Variants in ABCA10 observed in about 807,000 individuals in gnomAD.
ABCA10 encodes the protein ATP binding cassette subfamily A member 10, also known as ATP-binding cassette sub-family A member 10.
Under a neutral mutation model 187.5 loss-of-function variants are expected in ABCA10, and 169 were observed. The ratio of observed to expected loss-of-function variants is 0.90; its 90% CI spans 0.80 to 1.02. ABCA10 has a LOEUF of 1.02. Ranked by LOEUF, ABCA10 falls within the 50% of genes least tolerant of loss-of-function variation. The pLI is 0.00. For missense variants in ABCA10, 1,727 were observed against 1,812.4 expected, an observed-to-expected ratio of 0.95 and a Z score of 0.86; for synonymous variants, 574 against 601.8, an observed-to-expected ratio of 0.95 and a Z score of 0.68.
At chr17:69,177,822 G>A (rs1279383363) in intron 22 of ABCA10, among the ~76,000 whole-genome samples, 1 of 150,580 alleles carries the variant, frequency 6.6e-6, no homozygotes. Flanking sequence ...CGGGTATGGT[G>A]GTGCATGCCT....
intron 3 of ABCA10, chr17:69,223,587 A>ACCCTG: frequency 2.6e-6 from 1 of 381,418 alleles, no homozygotes. Context: ...TGAAATCTAC[A>ACCCTG]TTAAGATGAA....
chr17:69,154,442 A>C lies in ABCA10; in HGVS notation c.3695-116T>G, dbSNP rs571620083. 2.3e-5 allele frequency: 15 copies of C among 662,610 alleles called. No homozygotes were observed. In the African/African-American group the frequency reaches 3.2e-4, roughly 14 times the overall value. 41.0% of individuals were successfully genotyped at this position (662,610 alleles called of 1,614,324 possible). On this transcript the variant is annotated intron_variant, in intron 30 of 38. Coordinates refer to ENST00000690296, the MANE Select transcript of ABCA10 (RefSeq NM_001377321.1). ...TGACTTTTTTTTTTTTTTTTTTTTC[A>C]GAGACAGAGTTTTGCTCTGTTGCCT...
intron 10 of ABCA10, among the ~76,000 whole-genome samples, chr17:69,200,062 C>T (rs2074532883): frequency 6.6e-6 from 1 of 152,168 alleles, no homozygotes; most frequent in Non-Finnish European, 1.5e-5. Flanking sequence ...TTCCTGTTGT[C>T]TCCTTCCTCA....
intron 12 of ABCA10, 61 bp downstream of exon 12, chr17:69,194,323 TA>T: frequency 7.3e-7 from 1 of 1,377,806 alleles, no homozygotes; most frequent in Non-Finnish European, 1.0e-6. Flanking sequence ...ATTTTTTACA[TA>T]ATCAAACCAA....
Position 69,156,819 on chromosome 17 carries a change from A to C in ABCA10, c.3455+13T>G. 1.4e-6 allele frequency: 2 copies of C among 1,471,144 alleles called. No homozygotes were observed. The highest frequency in any genetic ancestry group is 1.9e-6 in the Non-Finnish European group (2 of 1,078,962). The allele number at this position is 1,471,144 out of a possible 1,614,324, so 91.1% of individuals were successfully genotyped here. Reference sequence around the variant, plus strand: ...TTAGATTATATTCAGATCTCAATTAATATTTTCCCAACCTGAAAACTGGGT... The same window carrying C: ...TTAGATTATATTCAGATCTCAATTACTATTTTCCCAACCTGAAAACTGGGT... On this transcript the variant is annotated intron_variant, in intron 28 of 38. Coordinates refer to ENST00000690296, the MANE Select transcript of ABCA10 (RefSeq NM_001377321.1).
In ABCA10 at chr17:69,149,987, C is replaced by T; in HGVS notation, c.4474G>A (p.Ala1492Thr). The T allele has an allele frequency of 1.9e-6, 3 of 1,609,288 alleles. No homozygotes were observed. The highest frequency in any genetic ancestry group is 2.6e-6 in the Non-Finnish European group (3 of 1,176,254). The stretch of plus-strand genomic sequence containing the variant: ...ATTTATATATACCCAAACTTACTCG[C>T]CTCTAACTTGAAAAAGGCCCGAGAT... ...PLSRAFFKLEAMKQTFNLEEY... is the reference protein window; with the variant it reads ...PLSRAFFKLETMKQTFNLEEY... The change falls in exon 37 of 39, where the codon GCG (alanine) becomes ACG (threonine). Residue 1492 changes from alanine (A) to threonine (T), a missense_variant. Physicochemically the swap from Ala to Thr is moderately conservative, Grantham distance 58. Coordinates refer to ENST00000690296, the MANE Select transcript of ABCA10 (RefSeq NM_001377321.1).
At chr17:69,223,526 G>T in intron 3 of ABCA10, 1 of 306,448 alleles carries the variant, frequency 3.3e-6, no homozygotes, top group South Asian at 2.6e-5. Context: ...CCTTTTTCAC[G>T]TTTATGTATT....
chr17:69,152,320 T>C, intron 35 of ABCA10, 42 bp downstream of exon 35: 2 of 1,593,630 alleles, frequency 1.3e-6, no homozygotes, highest in African/African-American at 2.7e-5. Flanking sequence ...ACTCTCTCTA[T>C]AAGAACATGC....
intron 6 of ABCA10, among the ~76,000 whole-genome samples, chr17:69,218,923 A>G (rs1261183384): frequency 1.3e-5 from 2 of 152,162 alleles, no homozygotes; most frequent in African/African-American, 2.4e-5. Context: ...ATAATTTCCC[A>G]TGTCACTAAA....
In ABCA10 at chr17:69,174,667, A is replaced by G. The variant is rs2074321272; in HGVS notation, c.2988T>C (p.His996=). Residue 996 remains histidine, a synonymous_variant, in exon 24 of 39, where the codon CAT becomes CAC. Coordinates refer to ENST00000690296, the MANE Select transcript of ABCA10 (RefSeq NM_001377321.1). ...CCAGAAATATGAAGTAGTAAATTAA[A>G]TGTATTGAAAAGAGAATCAAGAAGT... ...PLYFLILFSI[H]LIYYFIFLGF... is the part of the protein sequence containing the mutation. 6.2e-7 allele frequency: 1 copy of G among 1,612,020 alleles called. No individual in the cohort carries two copies. Among genetic ancestry groups the G allele is most frequent in the Non-Finnish European group, 8.5e-7 (1 of 1,178,746 alleles).
chr17:69,187,691 G>A lies in ABCA10; in HGVS notation c.2320C>T (p.Leu774Phe). The change falls in exon 19 of 39, where the codon CTT becomes TTT. Residue 774 changes from leucine (L) to phenylalanine (F), a missense_variant. By Grantham distance (22) the Leu-to-Phe change is conservative. Coordinates refer to ENST00000690296, the MANE Select transcript of ABCA10 (RefSeq NM_001377321.1). ...FLKLRRERRALLCLLLVLGIA... is the reference protein window; with the variant it reads ...FLKLRRERRAFLCLLLVLGIA... ...TAATCTGATACTCACAAACACAAAA[G>A]AGCTCTCCTTTCACGCCTTAACTTT... 6.2e-7 allele frequency: 1 copy of A among 1,613,542 alleles called. No homozygotes were observed.
chr17:69,207,688 T>C (rs764954445), intron 9 of ABCA10, among the ~76,000 whole-genome samples: 4 of 152,218 alleles, frequency 2.6e-5, no homozygotes, highest in African/African-American at 4.8e-5. Flanking sequence ...CTCATTTATA[T>C]GTAGAATCTA....
chr17:69,195,030 G>C (rs9893596), intron 11 of ABCA10, among the ~76,000 whole-genome samples: 2 of 152,070 alleles, frequency 1.3e-5, no homozygotes, highest in Non-Finnish European at 2.9e-5. Flanking sequence ...ATGATATTTA[G>C]AAATATCTGC....
At chr17:69,174,848 T>C in intron 23 of ABCA10, 71 bp from the exon 24 acceptor site, 1 of 1,345,434 alleles carries the variant, frequency 7.4e-7, no homozygotes, top group Non-Finnish European at 9.9e-7. Flanking sequence ...GTAAAAAAAA[T>C]TGTTTAATAA....
chr17:69,233,017 T>G (rs983146671), upstream of ABCA10: 9 of 152,190 alleles, frequency 5.9e-5, no homozygotes, highest in African/African-American at 2.2e-4. Context: ...CTTCCAAAGT[T>G]TGATTATAAT....
At position 69,185,606 on chromosome 17, in the gene ABCA10, G is replaced by A. The variant is rs2074415238; in HGVS notation, c.2368C>T (p.Leu790=). 1 of 1,611,862 alleles carries A rather than the reference G, an allele frequency of 6.2e-7. No homozygotes were observed. The highest frequency in any genetic ancestry group is 8.5e-7 in the Non-Finnish European group (1 of 1,178,638). Reference sequence around the variant, plus strand: ...GTTACTTTATACATTATCTTCTCTAGAATGATGGGGATAAAAGCAATTCCA... The same window carrying A: ...GTTACTTTATACATTATCTTCTCTAAAATGATGGGGATAAAAGCAATTCCA... The part of the protein sequence containing the change: ...VLGIAFIPII[L]EKIMYKVTRE... Residue 790 remains leucine, a synonymous_variant, in exon 20 of 39, where the codon CTA becomes TTA. Coordinates refer to ENST00000690296, the MANE Select transcript of ABCA10 (RefSeq NM_001377321.1).
At position 69,165,084 on chromosome 17, in the gene ABCA10, C is replaced by G; in HGVS notation, c.3163-1G>C. 6.5e-7 allele frequency: 1 copy of G among 1,543,250 alleles called. No homozygotes were observed. Among genetic ancestry groups the G allele is most frequent in the Non-Finnish European group, 8.9e-7 (1 of 1,119,572 alleles). ...TAATTGTGGATACACATATTAAGAT[C>G]TAGAAAAAAATCCAGAAGTATTATA... On this transcript the variant is annotated splice_acceptor_variant, in intron 25 of 38. Coordinates refer to ENST00000690296, the MANE Select transcript of ABCA10 (RefSeq NM_001377321.1). LOFTEE classifies it high-confidence loss of function.
chr17:69,185,751 T>C, intron 19 of ABCA10, 108 bp from the exon 20 acceptor site: 2 of 811,170 alleles, frequency 2.5e-6, no homozygotes, highest in South Asian at 2.4e-5. Flanking sequence ...CATGCATATG[T>C]GGTGTTTAGT....
chr17:69,232,477 G>A (rs1472461989), upstream of ABCA10, among the ~76,000 whole-genome samples: 1 of 152,018 alleles, frequency 6.6e-6, no homozygotes, highest in South Asian at 2.1e-4. Flanking sequence ...AACTTTGATA[G>A]CAAAGGAAAA....
Sources: allele counts gnomAD v4.1 joint callset (sites outside exome capture counted in the v4.1 genomes callset), GRCh38; gene constraint gnomAD v4.1.1; transcripts MANE v1.5; gene names NCBI Gene and HGNC (gene_info 2026-07-23, HGNC 2026-07-21).